CDH13: variants seen among roughly 807,000 people sequenced by gnomAD.
CDH13 encodes the protein cadherin-13.
In CDH13, 24 loss-of-function variants were observed where a neutral mutation model predicts 63.8. That is an observed-to-expected ratio of 0.38 (90% confidence interval 0.27 to 0.53). The LOEUF (loss-of-function observed/expected upper bound fraction) is 0.53, where lower values mean the gene tolerates loss of function less well. Among genes scored for constraint, CDH13 ranks in the 20% least tolerant of loss-of-function variants. The pLI is 0.85. For synonymous variants in CDH13, 503 were observed against 355.3 expected (o/e 1.42, Z -4.67); for missense variants, 1,049 against 903.1 (o/e 1.16, Z -2.07).
intron 2 of CDH13, among the ~76,000 whole-genome samples, chr16:82,981,580 C>T (rs1350079240): frequency 6.6e-6 from 1 of 152,196 alleles, no homozygotes; most frequent in Non-Finnish European, 1.5e-5. Flanking sequence ...CCTGTTCCAG[C>T]ATTTGGTTCT....
intron 7 of CDH13, among the ~76,000 whole-genome samples, chr16:83,520,151 T>C (rs1431112042): frequency 1.3e-5 from 2 of 152,138 alleles, no homozygotes; most frequent in African/African-American, 2.4e-5. Flanking sequence ...CTTGAAACAA[T>C]ACATATGACT....
intron 1 of CDH13, among the ~76,000 whole-genome samples, chr16:82,657,327 G>A (rs981980514): frequency 6.6e-6 from 1 of 152,196 alleles, no homozygotes; most frequent in Admixed American, 6.5e-5. Flanking sequence ...AAAATCTGTT[G>A]TAGCGCACTC....
intron 6 of CDH13, among the ~76,000 whole-genome samples, chr16:83,358,991 T>C (rs1318305861): frequency 6.6e-6 from 1 of 152,164 alleles, no homozygotes; most frequent in Non-Finnish European, 1.5e-5. Flanking sequence ...GGGCTGCCAT[T>C]TATGTCAGTG....
chr16:83,538,734 G>C (rs1469893177), intron 7 of CDH13, among the ~76,000 whole-genome samples: 1 of 152,132 alleles, frequency 6.6e-6, no homozygotes, highest in Non-Finnish European at 1.5e-5. Flanking sequence ...AGGTTGGAAG[G>C]AATAATTGTC....
rs372838116 is a variant in CDH13 at position 83,069,833 on chromosome 16, G to T, written c.366+37615G>T. Among the ~76,000 whole-genome samples, 9 of 152,224 alleles carry T rather than the reference G, an allele frequency of 5.9e-5. No homozygotes were observed. In the South Asian group the frequency reaches 1.9e-3, roughly 32 times the overall value. The stretch of plus-strand genomic sequence containing the variant: ...TAGGCTCTGTCTCTCACAAGGGCAG[G>T]CAGCAAGCAATTGTCTTTTAGAGGA... On this transcript the variant is annotated intron_variant, in intron 3 of 13. Coordinates refer to ENST00000567109, the MANE Select transcript of CDH13 (RefSeq NM_001257.5).
At chr16:83,218,769 T>A (rs942500513) in intron 5 of CDH13, among the ~76,000 whole-genome samples, 1 of 152,192 alleles carries the variant, frequency 6.6e-6, no homozygotes, top group Non-Finnish European at 1.5e-5. Context: ...TCATCTTGAA[T>A]TGTAGCTCTG....
chr16:82,965,249 C>G (rs1907637758), intron 2 of CDH13, among the ~76,000 whole-genome samples: 1 of 152,150 alleles, frequency 6.6e-6, no homozygotes, highest in Non-Finnish European at 1.5e-5. Flanking sequence ...TGCTTCTTCC[C>G]TCCCCACACG....
At chr16:82,998,359 A>G (rs371546279) in intron 2 of CDH13, among the ~76,000 whole-genome samples, 25 of 152,352 alleles carry the variant, frequency 1.6e-4, no homozygotes, top group African/African-American at 6.0e-4. Context: ...AGCATTTCCA[A>G]CTTTCATAAA....
At chr16:82,697,165 A>G (rs7189439) in intron 1 of CDH13, among the ~76,000 whole-genome samples, 6 of 152,334 alleles carry the variant, frequency 3.9e-5, no homozygotes, top group Middle Eastern at 3.4e-3. Context: ...ATTAAACTCT[A>G]TGTCCTGAAG....
intron 7 of CDH13, among the ~76,000 whole-genome samples, chr16:83,512,792 A>G (rs2074603957): frequency 6.6e-6 from 1 of 152,182 alleles, no homozygotes; most frequent in Admixed American, 6.5e-5. Flanking sequence ...AAGTAGCCAC[A>G]TCCCCTGAGA....
intron 4 of CDH13, among the ~76,000 whole-genome samples, chr16:83,199,549 C>T (rs965405470): frequency 6.6e-6 from 1 of 152,340 alleles, no homozygotes; most frequent in East Asian, 1.9e-4. Context: ...GCACACGTAG[C>T]TTTAGCACAG....
At chr16:83,235,338 G>C (rs373560851) in intron 5 of CDH13, among the ~76,000 whole-genome samples, 2 of 152,078 alleles carry the variant, frequency 1.3e-5, no homozygotes, top group Admixed American at 1.3e-4. Flanking sequence ...GAGAAGCCCC[G>C]GTGTAAAATG....
intron 3 of CDH13, among the ~76,000 whole-genome samples, chr16:83,048,599 T>A (rs866680440): frequency 6.6e-6 from 1 of 152,126 alleles, no homozygotes; most frequent in African/African-American, 2.4e-5. Context: ...CTGAGAAAAG[T>A]TCATACCATC....
Position 83,508,119 on chromosome 16 carries a change from A to AGGG in CDH13, c.960+21464_960+21465insGGG, listed in dbSNP as rs1567722315. 2.3e-3 allele frequency among the ~76,000 whole-genome samples: 176 copies of AGGG among 75,536 alleles called. 2 individuals are homozygous for AGGG. The highest frequency in any genetic ancestry group is 8.1e-3 in the African/African-American group (162 of 19,918). 49.6% of individuals were successfully genotyped at this position (75,536 alleles called of 152,430 possible). On this transcript the variant is annotated intron_variant, in intron 7 of 13. Transcript: ENST00000567109. ...AGGAAAGAAGGAAGGAAAAGGAAGGAAGGGAGGAAGGAAAGGGAAGGGGAG... is the reference window on the plus strand; with the variant it reads ...AGGAAAGAAGGAAGGAAAAGGAAGGAGGGAGGGAGGAAGGAAAGGGAAGGGGAG...
At chr16:83,611,041 T>G (rs1908812337) in intron 8 of CDH13, among the ~76,000 whole-genome samples, 1 of 152,196 alleles carries the variant, frequency 6.6e-6, no homozygotes, top group Admixed American at 6.5e-5. Context: ...TGTATTTCTC[T>G]GGTGGCTGAT....
At chr16:83,415,053 A>G (rs1471824084) in intron 6 of CDH13, among the ~76,000 whole-genome samples, 1 of 152,174 alleles carries the variant, frequency 6.6e-6, no homozygotes, top group East Asian at 1.9e-4. Context: ...GAAGATTCAA[A>G]TAAATAAAAT....
intron 4 of CDH13, among the ~76,000 whole-genome samples, chr16:83,191,528 C>CATATATATATAT (rs1479803621): frequency 1.2e-3 from 83 of 70,060 alleles, no homozygotes; most frequent in East Asian, 6.9e-3. Flanking sequence ...CACACACACA[C>CATATATATATAT]ACATATATAT....
intron 1 of CDH13, among the ~76,000 whole-genome samples, chr16:82,669,512 T>C (rs907713797): frequency 3.3e-5 from 5 of 152,242 alleles, no homozygotes; most frequent in African/African-American, 1.2e-4. Flanking sequence ...TTACTTGTAA[T>C]ACTGTCTCCA....
At chr16:83,091,149 T>C (rs981370254) in intron 3 of CDH13, among the ~76,000 whole-genome samples, 1 of 152,208 alleles carries the variant, frequency 6.6e-6, no homozygotes, top group African/African-American at 2.4e-5. Flanking sequence ...GGAAATATTT[T>C]AGTGATCTCC....
Sources: allele counts gnomAD v4.1 joint callset (sites outside exome capture counted in the v4.1 genomes callset), GRCh38; gene constraint gnomAD v4.1.1; transcripts MANE v1.5; gene names NCBI Gene and HGNC (gene_info 2026-07-23, HGNC 2026-07-21).